Variants in RBM46 observed in about 807,000 individuals in gnomAD.
RBM46 encodes the protein probable RNA-binding protein 46.
In RBM46, 12 loss-of-function variants were observed where a neutral mutation model predicts 43.3. The ratio of observed to expected loss-of-function variants is 0.28; its 90% CI spans 0.18 to 0.45. The LOEUF (loss-of-function observed/expected upper bound fraction) is 0.45, where lower values mean the gene tolerates loss of function less well. Among genes scored for constraint, RBM46 ranks in the 20% least tolerant of loss-of-function variants. The pLI is 1.00. For missense variants in RBM46, 412 were observed against 639.1 expected (o/e 0.64, Z 3.83); for synonymous variants, 205 against 207.6 (o/e 0.99, Z 0.11).
chr4:154,820,496 A>T, intron 4 of RBM46: 2 of 791,314 alleles, frequency 2.5e-6, no homozygotes, highest in Non-Finnish European at 3.8e-6. Context: ...CCAGTTTCAA[A>T]TTGTTCTTTA....
At position 154,782,420 on chromosome 4, in the gene RBM46, T is replaced by C. The variant is rs796723617; in HGVS notation, c.-12+984T>C. On this transcript the variant is annotated intron_variant, in intron 1 of 4. Transcript: ENST00000281722. Reference sequence around the variant, plus strand: ...TGATAAATTCCCCGTAACCTTTATGTTATGTGGTAATCCTAATATAGGCAA... The same window carrying C: ...TGATAAATTCCCCGTAACCTTTATGCTATGTGGTAATCCTAATATAGGCAA... Among the ~76,000 whole-genome samples, 16 of 152,344 alleles carry C rather than the reference T, an allele frequency of 1.1e-4. 1 individual carries two copies. The highest frequency in any genetic ancestry group is 3.1e-4 in the African/African-American group (13 of 41,586).
At chr4:154,798,709 A>G in intron 3 of RBM46, 73 bp from the exon 4 acceptor site, 4 of 1,166,828 alleles carry the variant, frequency 3.4e-6, no homozygotes, top group Non-Finnish European at 4.5e-6. Context: ...CTCTGGGGAA[A>G]CAGTTTTACT....
In RBM46 at chr4:154,808,516, G is replaced by A. The variant is rs373587627; in HGVS notation, c.1402+8952G>A. Among the ~76,000 whole-genome samples, 4 of 151,808 alleles carry A rather than the reference G, an allele frequency of 2.6e-5. No individual in the cohort carries two copies. The East Asian group carries it at 5.8e-4, about 22-fold the overall frequency. On this transcript the variant is annotated intron_variant, in intron 4 of 4. Transcript: ENST00000281722. ...TGCTTGTTTACTGGCCAGATTATGGGGTAAATGAATATCCACAAAATTTGC... is the reference window on the plus strand; with the variant it reads ...TGCTTGTTTACTGGCCAGATTATGGAGTAAATGAATATCCACAAAATTTGC...
intron 4 of RBM46, among the ~76,000 whole-genome samples, chr4:154,809,607 T>C (rs1735081681): frequency 6.6e-6 from 1 of 152,078 alleles, no homozygotes; most frequent in Non-Finnish European, 1.5e-5. Context: ...ACAAATTCAA[T>C]ACAAAACCCA....
At chr4:154,786,456 T>C (rs1459417452) in intron 1 of RBM46, among the ~76,000 whole-genome samples, 1 of 152,210 alleles carries the variant, frequency 6.6e-6, no homozygotes. Context: ...CTATTAATAT[T>C]ACATTGTTTT....
chr4:154,784,811 A>C (rs541618522), intron 1 of RBM46, among the ~76,000 whole-genome samples: 15 of 152,222 alleles, frequency 9.9e-5, no homozygotes, highest in Non-Finnish European at 1.6e-4. Context: ...AGGACAAATT[A>C]AGTCTGGAAG....
At chr4:154,821,624 ATC>A (rs1262283759) in intron 4 of RBM46, among the ~76,000 whole-genome samples, 3 of 151,938 alleles carry the variant, frequency 2.0e-5, no homozygotes, top group Admixed American at 2.0e-4. Flanking sequence ...ACAAATAAGT[ATC>A]TGTTTTTTTA....
At position 154,787,946 on chromosome 4, in the gene RBM46, A is replaced by AT. The variant is rs993507962; in HGVS notation, c.-12+6516dup. On this transcript the variant is annotated intron_variant, in intron 1 of 4. Coordinates refer to ENST00000281722, the MANE Select transcript of RBM46 (RefSeq NM_144979.5). Reference sequence around the variant, plus strand: ...TCTCTGATGGCCAGTGATGATGAGCATTTTTTCATGTGTCTGTTGGCTGCA... The same window carrying AT: ...TCTCTGATGGCCAGTGATGATGAGCATTTTTTTCATGTGTCTGTTGGCTGCA... Among the ~76,000 whole-genome samples the AT allele has an allele frequency of 1.1e-3, 171 of 152,138 alleles. 1 individual carries two copies. Among genetic ancestry groups the AT allele is most frequent in the African/African-American group, 4.0e-3 (165 of 41,540 alleles).
chr4:154,822,968 G>A (rs1470073420), intron 4 of RBM46, among the ~76,000 whole-genome samples: 1 of 151,758 alleles, frequency 6.6e-6, no homozygotes, highest in Non-Finnish European at 1.5e-5. Flanking sequence ...ACAAACATTT[G>A]TACATATTAT....
At chr4:154,794,236 A>G (rs915522475) in intron 1 of RBM46, among the ~76,000 whole-genome samples, 1 of 137,028 alleles carries the variant, frequency 7.3e-6, no homozygotes, top group East Asian at 2.2e-4. Context: ...GCTGGACTGC[A>G]GTGGTGCTAT....
At chr4:154,783,825 C>G (rs1293901664) in intron 1 of RBM46, among the ~76,000 whole-genome samples, 1 of 152,110 alleles carries the variant, frequency 6.6e-6, no homozygotes, top group African/African-American at 2.4e-5. Context: ...TTAATAAAAA[C>G]AACTTAAAAT....
intron 1 of RBM46, among the ~76,000 whole-genome samples, chr4:154,784,374 G>T (rs936805209): frequency 2.0e-5 from 3 of 151,990 alleles, no homozygotes; most frequent in Admixed American, 2.0e-4. Flanking sequence ...TTTTTGAATG[G>T]CAGTACAAAT....
At chr4:154,788,633 G>A (rs1173202614) in intron 1 of RBM46, among the ~76,000 whole-genome samples, 1 of 152,198 alleles carries the variant, frequency 6.6e-6, no homozygotes, top group Non-Finnish European at 1.5e-5. Flanking sequence ...GTCCAGCTTT[G>A]TTCTTTTTGC....
At position 154,827,996 on chromosome 4, in the gene RBM46, A is replaced by G. The variant is rs1472197029; in HGVS notation, c.1531A>G (p.Thr511Ala). 1 of 1,614,010 alleles carries G rather than the reference A, an allele frequency of 6.2e-7. No individual in the cohort carries two copies. The highest frequency in any genetic ancestry group is 2.2e-5 in the East Asian group (1 of 44,874). Residue 511 changes from threonine to alanine, a missense_variant, in exon 5 of 5, where the codon ACA (threonine) becomes GCA (alanine). Around this residue, in one of 8 missense-constraint regions of RBM46, gnomAD observed 149 missense variants for 156.3 expected, o/e 0.95. Transcript: ENST00000281722. Reference sequence around the variant, plus strand: ...TTATCCAGGCTATCCTTTGTCACCAACAATATCACTTGCTAATGGCAGCCA... The same window carrying G: ...TTATCCAGGCTATCCTTTGTCACCAGCAATATCACTTGCTAATGGCAGCCA... ...YSYPGYPLSP[T>A]ISLANGSHVG... is the part of the protein sequence containing the mutation.
chr4:154,827,945 C>T lies in RBM46; in HGVS notation c.1480C>T (p.Leu494Phe). 3.7e-6 allele frequency: 6 copies of T among 1,613,772 alleles called. No homozygotes were observed. The highest frequency in any genetic ancestry group is 5.1e-6 in the Non-Finnish European group (6 of 1,179,728). The change falls in exon 5 of 5, where the codon CTT (leucine) becomes TTT (phenylalanine). Residue 494 changes from leucine (L) to phenylalanine (F), a missense_variant. Transcript: ENST00000281722. Reference sequence around the variant, plus strand: ...CCTCTCTTCTGGGACTCCCAGCGTGCTTCCTTATACTTCAAGGCCTTATTC... The same window carrying T: ...CCTCTCTTCTGGGACTCCCAGCGTGTTTCCTTATACTTCAAGGCCTTATTC... ...ATLSSGTPSV[L>F]PYTSRPYSYP...
chr4:154,799,258 G>C lies in RBM46; in HGVS notation c.1096G>C (p.Glu366Gln). ...GCATAGCCCAAGTCCGCCTGAAGTT[G>C]AAAGATGCACTTACCCTTTTTATCC... is the stretch of plus-strand genomic sequence containing the variant. Reference protein sequence around the residue: ...GQHSPSPPEVERCTYPFYPGT... With the variant: ...GQHSPSPPEVQRCTYPFYPGT... Residue 366 changes from glutamate to glutamine, a missense_variant, in exon 4 of 5, where the codon GAA (glutamate) becomes CAA (glutamine). Transcript: ENST00000281722. 1 of 1,614,164 alleles carries C rather than the reference G, an allele frequency of 6.2e-7. No individual in the cohort carries two copies. Among genetic ancestry groups the C allele is most frequent in the Non-Finnish European group, 8.5e-7 (1 of 1,180,034 alleles).
chr4:154,795,303 T>A (rs1430634245), intron 1 of RBM46, among the ~76,000 whole-genome samples: 1 of 152,180 alleles, frequency 6.6e-6, no homozygotes, highest in South Asian at 2.1e-4. Flanking sequence ...AGGATTCAGA[T>A]TTTTTAGCCA....
At chr4:154,811,336 A>G (rs1429345403) in intron 4 of RBM46, among the ~76,000 whole-genome samples, 1 of 152,186 alleles carries the variant, frequency 6.6e-6, no homozygotes, top group Non-Finnish European at 1.5e-5. Context: ...CTTACTTGGG[A>G]AAGTTACTTA....
chr4:154,783,066 ATTCTACT>A lies in RBM46; in HGVS notation c.-12+1633_-12+1639del, dbSNP rs1355545114. Among the ~76,000 whole-genome samples the A allele has an allele frequency of 1.5e-4, 23 of 152,336 alleles. No individual in the cohort carries two copies. The East Asian group carries it at 3.1e-3, about 20-fold the overall frequency. On this transcript the variant is annotated intron_variant, in intron 1 of 4. Coordinates refer to ENST00000281722, the MANE Select transcript of RBM46 (RefSeq NM_144979.5). ...TGTTTTCAGGGCACACGTTTAAAAC[ATTCTACT>A]TTAAACTTTGTTTGCATCTGTCTGC...
Sources: allele counts gnomAD v4.1 joint callset (sites outside exome capture counted in the v4.1 genomes callset), GRCh38; gene constraint gnomAD v4.1.1; regional missense constraint gnomAD v4.1.1; transcripts MANE v1.5; gene names NCBI Gene and HGNC (gene_info 2026-07-23, HGNC 2026-07-21).